The following NRXN3 variants were observed in gnomAD, a reference collection of about 807,000 sequenced individuals.
NRXN3 encodes neurexin III.
NRXN3 carries 32 observed loss-of-function variants against 137.6 expected under a neutral mutation model. The ratio of observed to expected loss-of-function variants is 0.23; its 90% CI spans 0.18 to 0.31. NRXN3 has a LOEUF of 0.31. Ranked by LOEUF, NRXN3 falls within the 10% of genes least tolerant of loss-of-function variation. NRXN3 has a pLI of 1.00. For synonymous variants in NRXN3, 798 were observed against 784.5 expected, an observed-to-expected ratio of 1.02 and a Z score of -0.29; for missense variants, 1,574 against 2,062.5, an observed-to-expected ratio of 0.76 and a Z score of 4.59.
chr14:79,539,138 C>T (rs757570472), intron 16 of NRXN3, among the ~76,000 whole-genome samples: 1 of 152,128 alleles, frequency 6.6e-6, no homozygotes, highest in Non-Finnish European at 1.5e-5. Flanking sequence ...TGGCTCACTG[C>T]AACCTCCACC....
intron 15 of NRXN3, among the ~76,000 whole-genome samples, chr14:79,205,727 C>T (rs2066694501): frequency 6.6e-6 from 1 of 152,184 alleles, no homozygotes; most frequent in South Asian, 2.1e-4. Flanking sequence ...AGAAATCCAG[C>T]AACACCACCT....
Position 78,592,718 on chromosome 14 carries a change from C to T in NRXN3, c.758-52402C>T, listed in dbSNP as rs573446502. Among the ~76,000 whole-genome samples the T allele has an allele frequency of 2.0e-5, 3 of 152,280 alleles. No homozygotes were observed. In the East Asian group the frequency reaches 5.8e-4, roughly 29 times the overall value. ...TGCATTCTGCTCTGTGTGCAACGGG[C>T]CCATTGTTCTACTCTACTTTAACTG... On this transcript the variant is annotated intron_variant, in intron 4 of 20. Coordinates refer to ENST00000335750, the MANE Select transcript of NRXN3 (RefSeq NM_001330195.2).
At chr14:78,526,819 G>A (rs1218851742) in intron 4 of NRXN3, 1 of 509,066 alleles carries the variant, frequency 2.0e-6, no homozygotes, top group African/African-American at 1.9e-5. Context: ...GTCTGTGGAA[G>A]AAAGGGGATT....
chr14:79,601,233 G>A (rs1350622713), intron 16 of NRXN3, among the ~76,000 whole-genome samples: 3 of 151,792 alleles, frequency 2.0e-5, no homozygotes, highest in South Asian at 4.2e-4. Flanking sequence ...AGTAGAGACG[G>A]GGTTTCACCA....
chr14:79,630,413 G>A (rs1184653312), intron 16 of NRXN3, among the ~76,000 whole-genome samples: 1 of 152,140 alleles, frequency 6.6e-6, no homozygotes, highest in African/African-American at 2.4e-5. Context: ...CCTTCAAGAG[G>A]GTGCTGCTTA....
intron 15 of NRXN3, among the ~76,000 whole-genome samples, chr14:79,385,091 G>A (rs2094569510): frequency 6.6e-6 from 1 of 151,574 alleles, no homozygotes; most frequent in South Asian, 2.1e-4. Context: ...TTAAGTTTTA[G>A]GGTACATGTG....
chr14:79,211,619 A>G (rs2067674302), intron 15 of NRXN3, among the ~76,000 whole-genome samples: 1 of 152,196 alleles, frequency 6.6e-6, no homozygotes, highest in African/African-American at 2.4e-5. Flanking sequence ...ATGTGAATCC[A>G]GTTCTATCTG....
chr14:79,822,429 G>C (rs1393349601), intron 20 of NRXN3, among the ~76,000 whole-genome samples: 1 of 152,092 alleles, frequency 6.6e-6, no homozygotes. Context: ...TACAAAAGCA[G>C]CATTTTGTTA....
At chr14:78,370,859 G>A (rs2086700898) in intron 4 of NRXN3, among the ~76,000 whole-genome samples, 1 of 152,180 alleles carries the variant, frequency 6.6e-6, no homozygotes, top group Admixed American at 6.5e-5. Flanking sequence ...CTTGATGGAT[G>A]AAGCTGTTTC....
At chr14:79,667,976 C>A (rs1241273287) in intron 17 of NRXN3, among the ~76,000 whole-genome samples, 1 of 151,990 alleles carries the variant, frequency 6.6e-6, no homozygotes, top group Non-Finnish European at 1.5e-5. Flanking sequence ...CTTTTCAGGT[C>A]CTATCTAGGC....
intron 4 of NRXN3, among the ~76,000 whole-genome samples, chr14:78,572,947 A>G (rs1024543904): frequency 2.0e-5 from 3 of 152,180 alleles, no homozygotes; most frequent in Non-Finnish European, 4.4e-5. Flanking sequence ...GAATTGTAAT[A>G]ATCCCCATGT....
At chr14:78,760,602 G>A (rs934347980) in intron 8 of NRXN3, among the ~76,000 whole-genome samples, 4 of 151,200 alleles carry the variant, frequency 2.6e-5, no homozygotes, top group Non-Finnish European at 5.9e-5. Context: ...TTGGCAAGGC[G>A]GATTGGAGCC....
At chr14:79,029,698 A>G (rs545389604) in intron 15 of NRXN3, among the ~76,000 whole-genome samples, 33 of 152,076 alleles carry the variant, frequency 2.2e-4, no homozygotes, top group African/African-American at 7.5e-4. Context: ...CCCAACACTA[A>G]TTGTCACAAT....
At chr14:79,335,076 T>A (rs2092140996) in intron 15 of NRXN3, among the ~76,000 whole-genome samples, 1 of 152,136 alleles carries the variant, frequency 6.6e-6, no homozygotes, top group South Asian at 2.1e-4. Context: ...TGTCCTTCAC[T>A]AGGTAGGAGG....
intron 19 of NRXN3, among the ~76,000 whole-genome samples, chr14:79,720,737 A>G (rs2098841713): frequency 6.6e-6 from 1 of 152,160 alleles, no homozygotes; most frequent in African/African-American, 2.4e-5. Flanking sequence ...CACTCTCAAT[A>G]TTATCAGACT....
intron 5 of NRXN3, among the ~76,000 whole-genome samples, chr14:78,645,940 T>G (rs2097683179): frequency 6.6e-6 from 1 of 152,202 alleles, no homozygotes; most frequent in Non-Finnish European, 1.5e-5. Context: ...ATTTTTTTCT[T>G]TTATGTTAAC....
chr14:78,480,090 G>A (rs894520628), intron 4 of NRXN3, among the ~76,000 whole-genome samples: 23 of 152,164 alleles, frequency 1.5e-4, no homozygotes, highest in African/African-American at 5.5e-4. Flanking sequence ...GCAGTGAGCA[G>A]AGATCACGCC....
At chr14:79,502,190 T>C (rs1184506326) in intron 16 of NRXN3, among the ~76,000 whole-genome samples, 1 of 152,190 alleles carries the variant, frequency 6.6e-6, no homozygotes, top group African/African-American at 2.4e-5. Context: ...GAGAAATTCT[T>C]AGGAAGCAAG....
rs191527584 is a variant in NRXN3, at chr14:79,384,960, G to A, written c.3263-82261G>A. Among the ~76,000 whole-genome samples the A allele has an allele frequency of 1.6e-3, 247 of 152,116 alleles. 1 individual carries two copies. The highest frequency in any genetic ancestry group is 5.7e-3 in the African/African-American group (236 of 41,482). On this transcript the variant is annotated intron_variant, in intron 15 of 20. Coordinates refer to ENST00000335750, the MANE Select transcript of NRXN3 (RefSeq NM_001330195.2). ...TTCTTGCTACTGTTAATTAGTTAGT[G>A]GTTCTCACTTTTTTCTAGAAATTGC... is the stretch of plus-strand genomic sequence containing the variant.
Sources: gnomAD v4.1 joint callset for allele counts (sites outside exome capture counted in the v4.1 genomes callset) on GRCh38, gnomAD v4.1.1 for gene constraint, MANE v1.5 for transcripts, NCBI Gene and HGNC (gene_info 2026-07-23, HGNC 2026-07-21) for gene names.